Variants in DTX4 observed in about 807,000 individuals in gnomAD.
DTX4 encodes the protein deltex E3 ubiquitin ligase 4, also known as E3 ubiquitin-protein ligase DTX4.
DTX4 carries 28 observed loss-of-function variants against 57.6 expected under a neutral mutation model. That is an observed-to-expected ratio of 0.49 (90% CI 0.36 to 0.67). The LOEUF is 0.67. Among genes scored for constraint, DTX4 ranks in the 30% least tolerant of loss-of-function variants. DTX4 has a pLI of 0.00. For synonymous variants in DTX4, 316 were observed against 331.0 expected, an observed-to-expected ratio of 0.95 and a Z score of 0.49; for missense variants, 715 against 836.8, an observed-to-expected ratio of 0.85 and a Z score of 1.80.
Position 59,189,194 on chromosome 11 carries a change from C to T in DTX4, c.1030C>T (p.Leu344=), listed in dbSNP as rs746605628. The T allele has an allele frequency of 2.5e-6, 4 of 1,613,612 alleles. No individual in the cohort carries two copies. In the South Asian group the frequency reaches 4.4e-5, roughly 18 times the overall value. The change falls in exon 4 of 9, where the codon CTG becomes TTG. Residue 344 remains leucine, a synonymous_variant. Coordinates refer to ENST00000227451, the MANE Select transcript of DTX4 (RefSeq NM_015177.2). ...TGGGATCCTCATGAGTGCAGCGGGG[C>T]TGCCTGTGTGTCTCACCAGGCCACC... The part of the protein sequence containing the change: ...ITGILMSAAG[L]PVCLTRPPKL...
rs181381877 is a variant in DTX4 at position 59,195,389 on chromosome 11, G to A, written c.1536+20G>A. 7.0e-5 allele frequency: 110 copies of A among 1,581,828 alleles called. No homozygotes were observed. The highest frequency in any genetic ancestry group is 6.8e-4 in the Middle Eastern group (4 of 5,920). ...ATTCAGGTGAGCCTTTCTCTCAGGT[G>A]AGCCTTTCTGTCACCCCTTGGTTTT... On this transcript the variant is annotated intron_variant, in intron 7 of 8. Transcript: ENST00000227451.
At chr11:59,190,526 G>GA (rs1236171353) in intron 4 of DTX4, among the ~76,000 whole-genome samples, 1 of 152,074 alleles carries the variant, frequency 6.6e-6, no homozygotes, top group African/African-American at 2.4e-5. Flanking sequence ...CCAGTCCCCT[G>GA]AAAAAAATCC....
rs148402541 is a variant in DTX4 at position 59,185,673 on chromosome 11, C to T, written c.936-3062C>T. 4.7e-3 allele frequency among the ~76,000 whole-genome samples: 712 copies of T among 152,262 alleles called. 4 individuals are homozygous for T. The highest frequency in any genetic ancestry group is 0.016 in the African/African-American group (662 of 41,560). ...TAATAGTGGGGGAGGTGAGATCAAC[C>T]GTCTCAAGTACTGCCCAGCACTCAA... On this transcript the variant is annotated intron_variant, in intron 2 of 8. Transcript: ENST00000227451.
intron 1 of DTX4, among the ~76,000 whole-genome samples, chr11:59,180,818 G>A (rs1285211553): frequency 6.6e-6 from 1 of 152,056 alleles, no homozygotes; most frequent in Non-Finnish European, 1.5e-5. Context: ...TAATAACCCT[G>A]ACCTCTTCCC....
intron 3 of DTX4, 48 bp from the exon 4 acceptor site, chr11:59,189,114 G>A (rs1204944125): frequency 6.2e-7 from 1 of 1,605,108 alleles, no homozygotes; most frequent in Non-Finnish European, 8.5e-7. Context: ...GGGGAATGTT[G>A]AGAGCTAAGT....
intron 1 of DTX4, among the ~76,000 whole-genome samples, chr11:59,178,235 G>A (rs72919146): frequency 6.6e-6 from 1 of 152,062 alleles, no homozygotes; most frequent in African/African-American, 2.4e-5. Context: ...TGAAATGTGG[G>A]CAGTTAGGCT....
chr11:59,197,347 T>C (rs1023501545), intron 7 of DTX4, among the ~76,000 whole-genome samples: 2 of 151,934 alleles, frequency 1.3e-5, no homozygotes, highest in South Asian at 4.2e-4. Flanking sequence ...GTAAGAGGGT[T>C]GTAGAGGAAA....
In DTX4 at chr11:59,205,318, T is replaced by G. The variant is rs890768836; in HGVS notation, c.*409T>G. The G allele has an allele frequency of 2.0e-5, 4 of 198,154 alleles. No individual in the cohort carries two copies. Among genetic ancestry groups the G allele is most frequent in the Admixed American group, 1.6e-4 (3 of 19,304 alleles). 12.3% of individuals were successfully genotyped at this position (198,154 alleles called of 1,614,324 possible). ...AGCCGGCTTCTTGCTACTTCCACTCTGCTTTGAGACTGGAGTTTCTGCTAT... is the reference window on the plus strand; with the variant it reads ...AGCCGGCTTCTTGCTACTTCCACTCGGCTTTGAGACTGGAGTTTCTGCTAT... On this transcript the variant is annotated 3_prime_UTR_variant, in exon 9 of 9. Coordinates refer to ENST00000227451, the MANE Select transcript of DTX4 (RefSeq NM_015177.2).
At chr11:59,188,996 T>G (rs1215222374) in intron 3 of DTX4, among the ~76,000 whole-genome samples, 166 bp from the exon 4 acceptor site, 1 of 152,128 alleles carries the variant, frequency 6.6e-6, no homozygotes, top group African/African-American at 2.4e-5. Context: ...TGAAGATAAG[T>G]GAGTGAATGA....
chr11:59,185,096 T>C (rs1366610294), intron 2 of DTX4, among the ~76,000 whole-genome samples: 1 of 152,112 alleles, frequency 6.6e-6, no homozygotes, highest in African/African-American at 2.4e-5. Context: ...CAAAAGATCC[T>C]GTGAATTATT....
chr11:59,193,167 G>A (rs1862621140), intron 6 of DTX4, among the ~76,000 whole-genome samples: 1 of 152,204 alleles, frequency 6.6e-6, no homozygotes, highest in South Asian at 2.1e-4. Flanking sequence ...AGAGGTAAGA[G>A]AGGTGGGAGA....
chr11:59,207,972 A>G lies in DTX4; in HGVS notation c.*3063A>G, dbSNP rs904132742. On this transcript the variant is annotated 3_prime_UTR_variant, in exon 9 of 9. Transcript: ENST00000227451. Reference sequence around the variant, plus strand: ...GGAAGGCTCACTGGTACAAGAAAGGACCCCTGACCCCTTTCCTTCTCTGTG... The same window carrying G: ...GGAAGGCTCACTGGTACAAGAAAGGGCCCCTGACCCCTTTCCTTCTCTGTG... 2.7e-5 allele frequency: 4 copies of G among 150,688 alleles called. No homozygotes were observed. Among genetic ancestry groups the G allele is most frequent in the African/African-American group, 9.8e-5 (4 of 40,676 alleles). 9.3% of individuals were successfully genotyped at this position (150,688 alleles called of 1,614,324 possible).
intron 1 of DTX4, 125 bp downstream of exon 1, chr11:59,172,931 AGGT>A: frequency 3.1e-6 from 2 of 653,964 alleles, no homozygotes; most frequent in South Asian, 4.3e-5. Context: ...TGTCACCAAG[AGGT>A]GGTGGTGGGA....
intron 4 of DTX4, among the ~76,000 whole-genome samples, chr11:59,189,776 A>G (rs1413336699): frequency 6.6e-6 from 1 of 152,216 alleles, no homozygotes; most frequent in Non-Finnish European, 1.5e-5. Flanking sequence ...CATGACAGTT[A>G]GGAAGTAGTC....
intron 2 of DTX4, among the ~76,000 whole-genome samples, chr11:59,185,934 A>G (rs1184898527): frequency 6.6e-6 from 1 of 152,096 alleles, no homozygotes; most frequent in Non-Finnish European, 1.5e-5. Context: ...TAACTTAGAT[A>G]TGGTCAACAG....
Position 59,205,235 on chromosome 11 carries a change from A to G in DTX4, c.*326A>G. On this transcript the variant is annotated 3_prime_UTR_variant, in exon 9 of 9. Transcript: ENST00000227451. The stretch of plus-strand genomic sequence containing the variant: ...GGGGCATGGTCAGCACACCTAGGGT[A>G]TGGGCAGTGCTTAGGCACTCCATAT... The G allele has an allele frequency of 3.2e-6, 1 of 310,586 alleles. No homozygotes were observed. Among genetic ancestry groups the G allele is most frequent in the Admixed American group, 4.0e-5 (1 of 24,976 alleles). The allele number at this position is 310,586 out of a possible 1,614,324, so 19.2% of individuals were successfully genotyped here.
rs753933579 is a variant in DTX4, at chr11:59,179,934, ACACACACCCT to A, written c.212-1794_212-1785del. On this transcript the variant is annotated intron_variant, in intron 1 of 8. Coordinates refer to ENST00000227451, the MANE Select transcript of DTX4 (RefSeq NM_015177.2). Reference sequence around the variant, plus strand: ...CATACACACACAGACACACACACACACACACACCCTCACACACCCTGAGCTAAACCTTCTC... The same window carrying A: ...CATACACACACAGACACACACACACACACACACCCTGAGCTAAACCTTCTC... 9.5e-3 allele frequency among the ~76,000 whole-genome samples: 1,440 copies of A among 152,170 alleles called. 3 individuals carry two copies. Among genetic ancestry groups the A allele is most frequent in the Non-Finnish European group, 0.015 (1,042 of 68,012 alleles).
At chr11:59,189,805 A>G (rs1367716370) in intron 4 of DTX4, among the ~76,000 whole-genome samples, 1 of 152,196 alleles carries the variant, frequency 6.6e-6, no homozygotes, top group Non-Finnish European at 1.5e-5. Context: ...GTGTCCCCCT[A>G]GAACCTACAG....
rs1348199888 is a variant in DTX4 at position 59,207,592 on chromosome 11, AC to A, written c.*2686del. 6.6e-6 allele frequency: 1 copy of A among 152,560 alleles called. No individual in the cohort carries two copies. The highest frequency in any genetic ancestry group is 1.9e-4 in the East Asian group (1 of 5,192). The allele number at this position is 152,560 out of a possible 1,614,324, so 9.5% of individuals were successfully genotyped here. A position where few individuals can be genotyped will look rare whatever the true frequency, so the allele number is the denominator to read the frequency against. ...AGGTGCAGTCTAGATTTCAGTGAGA[AC>A]CCTGCCAGCTGAGCCCTGTGCATCT... is the stretch of plus-strand genomic sequence containing the variant. On this transcript the variant is annotated 3_prime_UTR_variant, in exon 9 of 9. Transcript: ENST00000227451.
Sources: allele counts gnomAD v4.1 joint callset (sites outside exome capture counted in the v4.1 genomes callset), GRCh38; gene constraint gnomAD v4.1.1; transcripts MANE v1.5; gene names NCBI Gene and HGNC (gene_info 2026-07-23, HGNC 2026-07-21).